Variants in TCF7L1 observed in about 807,000 individuals in gnomAD.
The protein encoded by TCF7L1 is transcription factor 7 like 1.
TCF7L1 carries 18 observed loss-of-function variants against 63.7 expected under a neutral mutation model. The observed-to-expected ratio is 0.28, with a 90% CI of 0.20 to 0.42. The LOEUF (loss-of-function observed/expected upper bound fraction) is 0.42. TCF7L1 is among the 10% of genes least tolerant of loss of function. The probability of loss-of-function intolerance (pLI) is 1.00; values close to 1 mark genes in which losing one functional copy is unlikely to be tolerated. For synonymous variants in TCF7L1, 355 were observed against 340.9 expected, an observed-to-expected ratio of 1.04 and a Z score of -0.46; for missense variants, 654 against 779.3, an observed-to-expected ratio of 0.84 and a Z score of 1.91.
At position 85,134,518 on chromosome 2, in the gene TCF7L1, G is replaced by C; in HGVS notation, c.441+68G>C. ...GCCCGCAGGATGCGCCCCCGGGCTT[G>C]GCCATGGAGTGGGGGATGGGGCCTT... On this transcript the variant is annotated intron_variant, in intron 3 of 11. Coordinates refer to ENST00000282111, the MANE Select transcript of TCF7L1 (RefSeq NM_031283.3). This position sits in a 1 kb window ranked among gnomAD's most constrained non-coding sequence, Gnocchi z 5.0. The C allele has an allele frequency of 6.5e-7, 1 of 1,528,390 alleles. No homozygotes were observed. Among genetic ancestry groups the C allele is most frequent in the Non-Finnish European group, 8.8e-7 (1 of 1,137,296 alleles). 94.7% of individuals were successfully genotyped at this position (1,528,390 alleles called of 1,614,324 possible).
At chr2:85,139,804 AAGG>A (rs1468547932) in intron 3 of TCF7L1, among the ~76,000 whole-genome samples, 3 of 152,282 alleles carry the variant, frequency 2.0e-5, no homozygotes, top group African/African-American at 7.2e-5. Context: ...ATTTGCCTGG[AAGG>A]AGAAGGGGCC....
chr2:85,273,957 G>A (rs1484874402), intron 3 of TCF7L1, among the ~76,000 whole-genome samples: 1 of 152,136 alleles, frequency 6.6e-6, no homozygotes, highest in Non-Finnish European at 1.5e-5. Context: ...CTGGTCAGAG[G>A]CCAGCAGGTG....
intron 3 of TCF7L1, among the ~76,000 whole-genome samples, chr2:85,230,205 G>A (rs972829954): frequency 1.3e-5 from 2 of 152,026 alleles, no homozygotes; most frequent in Admixed American, 1.3e-4. Flanking sequence ...TTAGAAACTC[G>A]GGTTTTTCTG....
chr2:85,248,226 G>A lies in TCF7L1; in HGVS notation c.442-35269G>A, dbSNP rs140248165. ...CATGTTCCCCAAATGTGACTTTGGG[G>A]GCTCTCTGGGGTTTAATAACAAACA... On this transcript the variant is annotated intron_variant, in intron 3 of 11. Transcript: ENST00000282111. Among the ~76,000 whole-genome samples the A allele has an allele frequency of 3.7e-4, 57 of 152,294 alleles. 2 individuals are homozygous for A. The East Asian group carries it at 8.9e-3, about 24-fold the overall frequency.
At chr2:85,201,895 T>A (rs184755043) in intron 3 of TCF7L1, among the ~76,000 whole-genome samples, 1 of 152,308 alleles carries the variant, frequency 6.6e-6, no homozygotes, top group East Asian at 1.9e-4. Flanking sequence ...TTGGCCATTG[T>A]TAAGTCTTCT....
At chr2:85,232,017 G>A (rs1249070025) in intron 3 of TCF7L1, among the ~76,000 whole-genome samples, 1 of 152,182 alleles carries the variant, frequency 6.6e-6, no homozygotes, top group Non-Finnish European at 1.5e-5. Context: ...TGCCTGGTAT[G>A]CTGTAAGATG....
chr2:85,172,400 GTTCTGTGCC>G lies in TCF7L1; in HGVS notation c.441+37952_441+37960del, dbSNP rs1339054481. Among the ~76,000 whole-genome samples, 7 of 152,240 alleles carry G rather than the reference GTTCTGTGCC, an allele frequency of 4.6e-5. No individual in the cohort carries two copies. In the East Asian group the frequency reaches 1.4e-3, roughly 29 times the overall value. On this transcript the variant is annotated intron_variant, in intron 3 of 11. Coordinates refer to ENST00000282111, the MANE Select transcript of TCF7L1 (RefSeq NM_031283.3). Reference sequence around the variant, plus strand: ...ACTCTTGTCACACAGCCTTTCACTTGTTCTGTGCCTCCTTCACCTAGAACATTCTTGTTT... The same window carrying G: ...ACTCTTGTCACACAGCCTTTCACTTGTCCTTCACCTAGAACATTCTTGTTT...
At chr2:85,283,265 T>TCCCC (rs35610133) in intron 3 of TCF7L1, among the ~76,000 whole-genome samples, 14,202 of 106,822 alleles carry the variant, frequency 0.13, 1,802 homozygotes, top group African/African-American at 0.33. Context: ...GTCATTCGTG[T>TCCCC]CCCCCCCCCC....
intron 3 of TCF7L1, chr2:85,213,478 G>A (rs1193852466): frequency 6.6e-6 from 1 of 152,126 alleles, no homozygotes; most frequent in Non-Finnish European, 1.5e-5. Context: ...TAAGGTCACT[G>A]TATTTATGTA....
intron 3 of TCF7L1, among the ~76,000 whole-genome samples, chr2:85,150,105 A>G (rs1439804663): frequency 6.6e-6 from 1 of 152,224 alleles, no homozygotes; most frequent in Non-Finnish European, 1.5e-5. Context: ...GTAGAAGAGG[A>G]AAACATTTTT....
chr2:85,220,618 C>G (rs1296793480), intron 3 of TCF7L1, among the ~76,000 whole-genome samples: 1 of 152,106 alleles, frequency 6.6e-6, no homozygotes, highest in Non-Finnish European at 1.5e-5. Flanking sequence ...CCCACCTCAG[C>G]CTCCCAAAGT....
intron 3 of TCF7L1, among the ~76,000 whole-genome samples, chr2:85,255,891 G>A (rs983093465): frequency 6.6e-6 from 1 of 152,182 alleles, no homozygotes; most frequent in African/African-American, 2.4e-5. Context: ...GTGATTGACT[G>A]GGCTCAGTGT....
intron 3 of TCF7L1, among the ~76,000 whole-genome samples, chr2:85,165,306 C>T (rs758983219): frequency 6.6e-6 from 1 of 152,230 alleles, no homozygotes; most frequent in Non-Finnish European, 1.5e-5. Context: ...GTGTAGACTA[C>T]GGCTTGCCTT....
At chr2:85,288,946 T>A (rs1681623473) in intron 4 of TCF7L1, among the ~76,000 whole-genome samples, 1 of 152,216 alleles carries the variant, frequency 6.6e-6, no homozygotes, top group Admixed American at 6.5e-5. Flanking sequence ...GAATCGCATC[T>A]GAGCGCCTGT....
Position 85,304,333 on chromosome 2 carries a change from G to C in TCF7L1, c.840G>C (p.Met280Ile), listed in dbSNP as rs774065938. Residue 280 changes from methionine to isoleucine, a missense_variant, in exon 7 of 12, where the codon ATG (methionine) becomes ATC (isoleucine). This residue lies in a region of TCF7L1 where 404 missense variants were observed against 454.8 expected (regional missense o/e 0.89). Coordinates refer to ENST00000282111, the MANE Select transcript of TCF7L1 (RefSeq NM_031283.3). Reference protein sequence around the residue: ...PYPALAMNASMSSLVSSRFSP... With the variant: ...PYPALAMNASISSLVSSRFSP... ...CCGCCCTCGCCATGAACGCCTCGATGTCCAGGTGAGTCCCGGGGCTGGGGC... is the reference window on the plus strand; with the variant it reads ...CCGCCCTCGCCATGAACGCCTCGATCTCCAGGTGAGTCCCGGGGCTGGGGC... 1 of 1,613,846 alleles carries C rather than the reference G, an allele frequency of 6.2e-7. No homozygotes were observed. Among genetic ancestry groups the C allele is most frequent in the East Asian group, 2.2e-5 (1 of 44,870 alleles).
At chr2:85,281,933 TG>T (rs1681429509) in intron 3 of TCF7L1, among the ~76,000 whole-genome samples, 1 of 152,116 alleles carries the variant, frequency 6.6e-6, no homozygotes, top group South Asian at 2.1e-4. Flanking sequence ...AGAGCCAGAT[TG>T]TGATTGATTT....
intron 3 of TCF7L1, among the ~76,000 whole-genome samples, chr2:85,160,056 T>C (rs972034791): frequency 2.6e-5 from 4 of 152,178 alleles, no homozygotes; most frequent in Non-Finnish European, 1.5e-5. Flanking sequence ...CTTTTTTCCT[T>C]TCAAAAATTT....
intron 3 of TCF7L1, among the ~76,000 whole-genome samples, chr2:85,272,122 G>C (rs1681164862): frequency 6.6e-6 from 1 of 152,210 alleles, no homozygotes; most frequent in Admixed American, 6.5e-5. Flanking sequence ...AACCCAGAAG[G>C]CTGCTGCAGG....
At chr2:85,253,755 C>T (rs182317314) in intron 3 of TCF7L1, among the ~76,000 whole-genome samples, 12 of 152,350 alleles carry the variant, frequency 7.9e-5, no homozygotes, top group African/African-American at 2.9e-4. Flanking sequence ...AGGCCCTGTG[C>T]ATGCTAAGCG....
Sources: gnomAD v4.1 joint callset for allele counts (sites outside exome capture counted in the v4.1 genomes callset) on GRCh38, gnomAD v4.1.1 for gene constraint, gnomAD v4.1.1 regional missense constraint, Gnocchi (gnomAD v3.1) non-coding constraint, MANE v1.5 for transcripts, NCBI Gene and HGNC (gene_info 2026-07-23, HGNC 2026-07-21) for gene names.